Variants in ERMP1 observed in about 807,000 individuals in gnomAD.
ERMP1 encodes the protein Felix-ina.
In ERMP1, 86 loss-of-function variants were observed where a neutral mutation model predicts 92.0. The observed-to-expected ratio is 0.93, with a 90% CI of 0.79 to 1.12. The LOEUF (loss-of-function observed/expected upper bound fraction) is 1.12. ERMP1 is among the 50% of genes most tolerant of loss of function. ERMP1 has a pLI of 0.00. For missense variants in ERMP1, 1,342 were observed against 1,116.3 expected, an observed-to-expected ratio of 1.20 and a Z score of -2.88; for synonymous variants, 530 against 412.8, an observed-to-expected ratio of 1.28 and a Z score of -3.44.
chr9:5,829,579 AAG>A (rs1829862327), intron 2 of ERMP1, among the ~76,000 whole-genome samples: 1 of 152,198 alleles, frequency 6.6e-6, no homozygotes, highest in Non-Finnish European at 1.5e-5. Flanking sequence ...ACTATTAGGA[AAG>A]TACTATTATT....
In ERMP1 at chr9:5,818,402, T is replaced by C. The variant is rs752007913; in HGVS notation, c.875-5367A>G. 2.9e-4 allele frequency among the ~76,000 whole-genome samples: 44 copies of C among 152,294 alleles called. No individual in the cohort carries two copies. In the South Asian group the frequency reaches 2.9e-3, roughly 10 times the overall value. On this transcript the variant is annotated intron_variant, in intron 4 of 14. Transcript: ENST00000339450. ...GTCTCCTACTCATACACTAAAGGTA[T>C]TTCCAATTTTCTACTCTTAAGAGAA... is the stretch of plus-strand genomic sequence containing the variant.
rs752092130 is a variant in ERMP1, at chr9:5,791,350, T to C, written c.2387-3757A>G. On this transcript the variant is annotated intron_variant, in intron 13 of 14. Transcript: ENST00000339450. ...AGCAGAATTCCCCATTCCCTCTCCT[T>C]GGGGAAGGTCAGTCTTTTTCTCAAG... The C allele has an allele frequency of 4.2e-4, 191 of 455,338 alleles. 1 individual carries two copies. Among genetic ancestry groups the C allele is most frequent in the Non-Finnish European group, 6.7e-4 (153 of 226,684 alleles). 28.2% of individuals were successfully genotyped at this position (455,338 alleles called of 1,614,324 possible).
upstream of ERMP1, among the ~76,000 whole-genome samples, chr9:5,837,386 C>G (rs1313034647): frequency 3.9e-5 from 6 of 152,058 alleles, no homozygotes; most frequent in Non-Finnish European, 8.8e-5. Flanking sequence ...AATCAAATAT[C>G]AACAACTTTT....
intron 1 of ERMP1, among the ~76,000 whole-genome samples, chr9:5,832,234 G>A (rs1000364678): frequency 5.9e-5 from 9 of 152,118 alleles, no homozygotes; most frequent in African/African-American, 2.2e-4. Context: ...TCAGATGTGG[G>A]GGCTGTAACC....
intron 4 of ERMP1, among the ~76,000 whole-genome samples, chr9:5,822,046 G>C (rs1248775950): frequency 6.6e-6 from 1 of 152,024 alleles, no homozygotes; most frequent in Non-Finnish European, 1.5e-5. Flanking sequence ...TTGAGCTCAG[G>C]AGTTTGAGAC....
chr9:5,829,642 G>A (rs957883065), intron 2 of ERMP1, among the ~76,000 whole-genome samples: 1 of 152,176 alleles, frequency 6.6e-6, no homozygotes, highest in Non-Finnish European at 1.5e-5. Flanking sequence ...TTGCAAAAGG[G>A]AGTATTAATT....
intron 5 of ERMP1, among the ~76,000 whole-genome samples, chr9:5,865,282 G>A (rs1440615974): frequency 6.6e-6 from 1 of 151,824 alleles, no homozygotes; most frequent in African/African-American, 2.4e-5. Flanking sequence ...CAAGGCGGGT[G>A]GATCACGAGG....
In ERMP1 at chr9:5,832,663, G is replaced by A. The variant is rs548540100; in HGVS notation, c.338+27C>T. 7.4e-5 allele frequency: 102 copies of A among 1,374,574 alleles called. 3 individuals are homozygous for A. The South Asian group carries it at 1.5e-3, about 21-fold the overall frequency. The allele number at this position is 1,374,574 out of a possible 1,614,324, so 85.1% of individuals were successfully genotyped here. A position where few individuals can be genotyped will look rare whatever the true frequency, so the allele number is the denominator to read the frequency against. Reference sequence around the variant, plus strand: ...GCAGGAGCCGCAAACGGACGCGCGGGCCGTGCCAGGAGGGAGCGGCCGGTA... The same window carrying A: ...GCAGGAGCCGCAAACGGACGCGCGGACCGTGCCAGGAGGGAGCGGCCGGTA... On this transcript the variant is annotated intron_variant, in intron 1 of 14. Transcript: ENST00000339450.
chr9:5,861,356 A>G (rs1169916244), intron 5 of ERMP1, among the ~76,000 whole-genome samples: 8 of 152,044 alleles, frequency 5.3e-5, no homozygotes, highest in Middle Eastern at 3.2e-3. Flanking sequence ...AAGGAAATAT[A>G]TTCTACACTC....
chr9:5,815,143 C>T (rs1250916726), intron 4 of ERMP1, among the ~76,000 whole-genome samples: 1 of 152,120 alleles, frequency 6.6e-6, no homozygotes, highest in Non-Finnish European at 1.5e-5. Flanking sequence ...TCTTCCAAAA[C>T]TCATAGAATT....
intron 13 of ERMP1, among the ~76,000 whole-genome samples, chr9:5,794,894 C>G (rs958578323): frequency 1.3e-5 from 2 of 152,232 alleles, no homozygotes; most frequent in East Asian, 1.9e-4. Flanking sequence ...ACTTCTTAAC[C>G]CATCCTATGA....
At chr9:5,853,945 G>T (rs755609081) in intron 6 of ERMP1, among the ~76,000 whole-genome samples, 1 of 151,756 alleles carries the variant, frequency 6.6e-6, no homozygotes, top group Non-Finnish European at 1.5e-5. Flanking sequence ...GATGAACAGA[G>T]GAAAAGGCAT....
At chr9:5,813,958 T>C (rs1275971002) in intron 4 of ERMP1, among the ~76,000 whole-genome samples, 2 of 151,396 alleles carry the variant, frequency 1.3e-5, no homozygotes, top group Non-Finnish European at 1.5e-5. Flanking sequence ...AAAAGGATTA[T>C]ACATTCCTAC....
intron 5 of ERMP1, among the ~76,000 whole-genome samples, chr9:5,865,386 T>C (rs921100740): frequency 1.3e-5 from 2 of 152,024 alleles, no homozygotes; most frequent in Non-Finnish European, 2.9e-5. Flanking sequence ...CAGGCGCCTG[T>C]AGTCCCAGCT....
intron 6 of ERMP1, among the ~76,000 whole-genome samples, chr9:5,849,233 G>A (rs1389141046): frequency 6.6e-6 from 1 of 152,178 alleles, no homozygotes; most frequent in African/African-American, 2.4e-5. Context: ...ATGTTGGCCA[G>A]GAGGGTCTCA....
At chr9:5,825,798 T>C (rs895100561) in intron 2 of ERMP1, among the ~76,000 whole-genome samples, 2 of 152,228 alleles carry the variant, frequency 1.3e-5, no homozygotes, top group Admixed American at 6.5e-5. Flanking sequence ...AGGAGACTAA[T>C]GACCTAAGTA....
At chr9:5,823,341 C>T (rs986428221) in intron 4 of ERMP1, among the ~76,000 whole-genome samples, 1 of 151,960 alleles carries the variant, frequency 6.6e-6, no homozygotes, top group African/African-American at 2.4e-5. Flanking sequence ...TTTAACATTC[C>T]ACTAAATCAA....
At chr9:5,847,883 A>G (rs1293698859) in intron 6 of ERMP1, among the ~76,000 whole-genome samples, 8 of 151,508 alleles carry the variant, frequency 5.3e-5, no homozygotes, top group Non-Finnish European at 1.0e-4. Flanking sequence ...CGACAGAGCG[A>G]GACTCCGTCT....
chr9:5,865,065 A>T (rs1484726678), intron 5 of ERMP1, among the ~76,000 whole-genome samples: 1 of 152,212 alleles, frequency 6.6e-6, no homozygotes, highest in East Asian at 1.9e-4. Context: ...TGCGGTAGTA[A>T]ATTATGGTAC....
Sources: allele counts gnomAD v4.1 joint callset (sites outside exome capture counted in the v4.1 genomes callset), GRCh38; gene constraint gnomAD v4.1.1; transcripts MANE v1.5; gene names NCBI Gene and HGNC (gene_info 2026-07-23, HGNC 2026-07-21).